The following SVOP variants were observed in gnomAD, a reference collection of about 807,000 sequenced individuals.
SVOP encodes synaptic vesicle 2-related protein.
In SVOP, 17 loss-of-function variants were observed where a neutral mutation model predicts 69.1. The observed-to-expected ratio is 0.25, with a 90% CI of 0.17 to 0.37. SVOP has a LOEUF of 0.37. Ranked by LOEUF, SVOP falls within the 10% of genes least tolerant of loss-of-function variation. SVOP has a pLI of 1.00. For synonymous variants in SVOP, 238 were observed against 238.6 expected, an observed-to-expected ratio of 1.00 and a Z score of 0.02; for missense variants, 435 against 597.5, an observed-to-expected ratio of 0.73 and a Z score of 2.84.
chr12:108,936,810 G>A (rs2039859097), intron 10 of SVOP, among the ~76,000 whole-genome samples: 1 of 119,884 alleles, frequency 8.3e-6, no homozygotes, highest in South Asian at 2.4e-4. Context: ...GAGGCTCACT[G>A]CCTCTGCAAA....
At chr12:109,002,621 T>C (rs1460114080) in intron 1 of SVOP, among the ~76,000 whole-genome samples, 2 of 151,622 alleles carry the variant, frequency 1.3e-5, no homozygotes, top group Non-Finnish European at 2.9e-5. Context: ...TGGAACACTA[T>C]GCAGCCATAA....
chr12:108,948,534 C>T (rs1357403965), intron 6 of SVOP, among the ~76,000 whole-genome samples: 1 of 152,202 alleles, frequency 6.6e-6, no homozygotes, highest in Non-Finnish European at 1.5e-5. Context: ...ACATTTTAAA[C>T]TAGGTTTGTC....
intron 1 of SVOP, 79 bp downstream of exon 1, chr12:109,020,755 C>CCCG (rs2040392464): frequency 2.3e-5 from 4 of 174,598 alleles, no homozygotes; most frequent in Non-Finnish European, 3.5e-5. Context: ...CAGAGATGTA[C>CCCG]CCCCCCCCAC....
intron 11 of SVOP, among the ~76,000 whole-genome samples, chr12:108,931,685 T>G (rs1288454288): frequency 2.6e-5 from 4 of 151,924 alleles, no homozygotes; most frequent in Non-Finnish European, 4.4e-5. Context: ...ATACAAAAAA[T>G]TAGCTGGGCG....
intron 11 of SVOP, among the ~76,000 whole-genome samples, chr12:108,931,971 G>GT (rs1566050281): frequency 6.6e-6 from 1 of 152,034 alleles, no homozygotes; most frequent in Non-Finnish European, 1.5e-5. Flanking sequence ...ACTATACTTC[G>GT]TGAGGGCTCT....
intron 5 of SVOP, 142 bp from the exon 6 acceptor site, chr12:108,961,189 G>C (rs1232550489): frequency 9.3e-7 from 1 of 1,070,426 alleles, no homozygotes; most frequent in Non-Finnish European, 1.3e-6. Context: ...CTCTGTATGG[G>C]GAGTGCCAAC....
At chr12:109,007,508 A>C (rs902055769) in intron 1 of SVOP, among the ~76,000 whole-genome samples, 1 of 152,192 alleles carries the variant, frequency 6.6e-6, no homozygotes, top group African/African-American at 2.4e-5. Flanking sequence ...ATCTCAACTC[A>C]ATATAAAGAG....
At chr12:108,992,196 T>A (rs1280529646) in intron 1 of SVOP, among the ~76,000 whole-genome samples, 1 of 151,608 alleles carries the variant, frequency 6.6e-6, no homozygotes, top group Non-Finnish European at 1.5e-5. Flanking sequence ...TAACAATCCA[T>A]CTGCTCTCTA....
At chr12:109,007,493 A>G (rs559195578) in intron 1 of SVOP, among the ~76,000 whole-genome samples, 1 of 152,310 alleles carries the variant, frequency 6.6e-6, no homozygotes, top group African/African-American at 2.4e-5. Flanking sequence ...GAAAGAAGGA[A>G]GCAGATCTCA....
chr12:108,926,257 A>C (rs976576546), intron 11 of SVOP, among the ~76,000 whole-genome samples: 1 of 152,064 alleles, frequency 6.6e-6, no homozygotes, highest in African/African-American at 2.4e-5. Flanking sequence ...CCCAATGTTT[A>C]GCTCCCACTT....
chr12:108,991,866 A>G (rs943224142), intron 1 of SVOP, among the ~76,000 whole-genome samples: 2 of 152,010 alleles, frequency 1.3e-5, no homozygotes, highest in African/African-American at 4.8e-5. Context: ...GGGTCTCTTG[A>G]GCCCAGGAAG....
rs780422215 is a variant in SVOP, at chr12:108,916,697, C to T, written c.1351-825G>A. Among the ~76,000 whole-genome samples, 4 of 152,262 alleles carry T rather than the reference C, an allele frequency of 2.6e-5. No individual in the cohort carries two copies. In the South Asian group the frequency reaches 6.2e-4, roughly 24 times the overall value. On this transcript the variant is annotated intron_variant, in intron 14 of 15. Transcript: ENST00000610966. ...AAATCACTGGAGGAGGAAAGCTGTC[C>T]CCCAACCTAGAACACCCATATTGGA...
rs1425796010 is a variant in SVOP at position 108,915,840 on chromosome 12, C to T, written c.1383G>A (p.Leu461=). The part of the protein sequence containing the change: ...VYPTATRALG[L]GTCSGMARVG... ...CTCTTGCCATGCCGCTGCAGGTGCC[C>T]AGGCCGAGGGCCCGCGTTGCCGTGG... The change falls in exon 15 of 16, where the codon CTG becomes CTA. Residue 461 remains leucine (L), a synonymous_variant. Transcript: ENST00000610966. 3 of 1,608,760 alleles carry T rather than the reference C, an allele frequency of 1.9e-6. No individual in the cohort carries two copies. Among genetic ancestry groups the T allele is most frequent in the Non-Finnish European group, 2.5e-6 (3 of 1,177,842 alleles).
intron 7 of SVOP, among the ~76,000 whole-genome samples, chr12:108,941,440 T>G (rs1186304744): frequency 6.6e-6 from 1 of 152,160 alleles, no homozygotes; most frequent in African/African-American, 2.4e-5. Context: ...TTCCCAGGCC[T>G]CCTGGGCTCC....
chr12:108,989,171 G>C (rs1442622873), intron 1 of SVOP, among the ~76,000 whole-genome samples: 2 of 152,022 alleles, frequency 1.3e-5, no homozygotes, highest in Non-Finnish European at 2.9e-5. Context: ...CTGGATTCAA[G>C]TGATCCTCCT....
At chr12:108,992,514 C>G (rs1487546215) in intron 1 of SVOP, among the ~76,000 whole-genome samples, 1 of 152,158 alleles carries the variant, frequency 6.6e-6, no homozygotes, top group African/African-American at 2.4e-5. Flanking sequence ...GCACTCCAGG[C>G]TGGGCAACAG....
intron 12 of SVOP, among the ~76,000 whole-genome samples, chr12:108,920,052 G>GAA (rs1175748783): frequency 6.6e-6 from 1 of 152,208 alleles, no homozygotes; most frequent in Non-Finnish European, 1.5e-5. Flanking sequence ...GCAAGGAACT[G>GAA]AAGGTAGCCT....
chr12:108,916,124 C>G (rs1566046234), intron 14 of SVOP, among the ~76,000 whole-genome samples: 1 of 152,182 alleles, frequency 6.6e-6, no homozygotes, highest in African/African-American at 2.4e-5. Flanking sequence ...GGGGGGGCTC[C>G]CCAAAGACTC....
Position 108,912,076 on chromosome 12 carries a change from A to C in SVOP, c.*459T>G. ...CCACACCTAGATCGCCTGCAATTTC[A>C]AAGAAGAAAGCCTGGGGCTGTGAGT... On this transcript the variant is annotated 3_prime_UTR_variant, in exon 16 of 16. Coordinates refer to ENST00000610966, the MANE Select transcript of SVOP (RefSeq NM_018711.5). 1.3e-6 allele frequency: 1 copy of C among 768,380 alleles called. No individual in the cohort carries two copies. Among genetic ancestry groups the C allele is most frequent in the Non-Finnish European group, 1.6e-6 (1 of 628,096 alleles). The allele number at this position is 768,380 out of a possible 1,614,324, so 47.6% of individuals were successfully genotyped here. A position where few individuals can be genotyped will look rare whatever the true frequency, so the allele number is the denominator to read the frequency against.
Sources: gnomAD v4.1 joint callset for allele counts (sites outside exome capture counted in the v4.1 genomes callset) on GRCh38, gnomAD v4.1.1 for gene constraint, MANE v1.5 for transcripts, NCBI Gene and HGNC (gene_info 2026-07-23, HGNC 2026-07-21) for gene names.